Variants in FBN2 observed in about 807,000 individuals in gnomAD.
FBN2 encodes the protein fibrillin-2.
FBN2 carries 105 observed loss-of-function variants against 355.6 expected under a neutral mutation model. The observed-to-expected ratio is 0.30, with a 90% CI of 0.25 to 0.35. The LOEUF (loss-of-function observed/expected upper bound fraction) is 0.35. Ranked by LOEUF, FBN2 falls within the 10% of genes least tolerant of loss-of-function variation. The probability of loss-of-function intolerance (pLI) is 1.00; values close to 1 mark genes in which losing one functional copy is unlikely to be tolerated. For missense variants in FBN2, 3,280 were observed against 3,758.7 expected, an observed-to-expected ratio of 0.87 and a Z score of 3.33; for synonymous variants, 1,350 against 1,301.2, an observed-to-expected ratio of 1.04 and a Z score of -0.81.
chr5:128,380,712 G>C (rs2126962418), intron 11 of FBN2, among the ~76,000 whole-genome samples: 1 of 152,012 alleles, frequency 6.6e-6, no homozygotes, highest in East Asian at 1.9e-4. Flanking sequence ...TGTTTTCTGG[G>C]ATTTTCAGTT....
intron 58 of FBN2, 56 bp from the exon 59 acceptor site, chr5:128,276,216 T>C: frequency 1.3e-6 from 2 of 1,565,114 alleles, no homozygotes; most frequent in African/African-American, 1.3e-5. Context: ...AACCAGACTC[T>C]TTCCTCCTTC....
intron 7 of FBN2, among the ~76,000 whole-genome samples, chr5:128,411,370 T>C (rs138027199): frequency 2.6e-5 from 4 of 152,280 alleles, no homozygotes; most frequent in Non-Finnish European, 5.9e-5. Context: ...CGTGAATGAA[T>C]TGAAGGATGG....
intron 64 of FBN2, among the ~76,000 whole-genome samples, chr5:128,260,310 T>C (rs1475948171): frequency 6.6e-6 from 1 of 152,130 alleles, no homozygotes; most frequent in Non-Finnish European, 1.5e-5. Flanking sequence ...AAGTGAATGA[T>C]GAGTGAGTTT....
At chr5:128,522,165 T>C (rs146718888) in intron 4 of FBN2, among the ~76,000 whole-genome samples, 24 of 152,318 alleles carry the variant, frequency 1.6e-4, no homozygotes, top group African/African-American at 5.8e-4. Context: ...GGGCCACTGA[T>C]ACAACCATTT....
In FBN2 at chr5:128,312,786, A is replaced by G. The variant is rs1581208599; in HGVS notation, c.4727T>C (p.Val1576Ala). The G allele has an allele frequency of 1.2e-6, 2 of 1,613,724 alleles. No individual in the cohort carries two copies. The highest frequency in any genetic ancestry group is 1.7e-6 in the Non-Finnish European group (2 of 1,180,004). Residue 1576 changes from valine (V) to alanine (A), a missense_variant, in exon 37 of 65, where the codon GTG becomes GCG. Val to Ala is a moderately conservative substitution (Grantham distance 64). Around this residue, in one of 6 missense-constraint regions of FBN2, gnomAD observed 2,284 missense variants for 2,749.5 expected, o/e 0.83. Coordinates refer to ENST00000262464, the MANE Select transcript of FBN2 (RefSeq NM_001999.4). Reference sequence around the variant, plus strand: ...TCCAAACTTCAGGTAGCAGTTGCCCACACGGTTGTCTGCAGAGCAACAAAG... The same window carrying G: ...TCCAAACTTCAGGTAGCAGTTGCCCGCACGGTTGTCTGCAGAGCAACAAAG... ...PTGVGCVDNRVGNCYLKFGPR... is the reference protein window; with the variant it reads ...PTGVGCVDNRAGNCYLKFGPR...
At chr5:128,311,022 A>G (rs1750040920) in intron 39 of FBN2, among the ~76,000 whole-genome samples, 1 of 152,140 alleles carries the variant, frequency 6.6e-6, no homozygotes, top group Non-Finnish European at 1.5e-5. Context: ...ATTTTCACTA[A>G]TAACTTACTT....
intron 5 of FBN2, among the ~76,000 whole-genome samples, chr5:128,484,594 CAAT>C (rs1192018607): frequency 1.3e-5 from 2 of 152,138 alleles, no homozygotes; most frequent in Non-Finnish European, 2.9e-5. Context: ...ATTAAAACAA[CAAT>C]GAGGTTTCAT....
At position 128,375,125 on chromosome 5, in the gene FBN2, AT is replaced by A. The variant is rs1752048672; in HGVS notation, c.1973-376del. Among the ~76,000 whole-genome samples, 3 of 152,318 alleles carry A rather than the reference AT, an allele frequency of 2.0e-5. 1 individual carries two copies. In the South Asian group the frequency reaches 6.2e-4, roughly 32 times the overall value. On this transcript the variant is annotated intron_variant, in intron 14 of 64. Transcript: ENST00000262464. ...AGAAGTAGATGCTATGCTGATATTC[AT>A]TTGGTCATTTGATAATAACAAAATA...
At chr5:128,402,952 G>A (rs1384615616) in intron 8 of FBN2, among the ~76,000 whole-genome samples, 2 of 152,218 alleles carry the variant, frequency 1.3e-5, no homozygotes, top group Admixed American at 6.5e-5. Context: ...AATAGTGAAT[G>A]ACGGGCTTCT....
chr5:128,464,951 G>A, intron 5 of FBN2, 30 bp from the exon 6 acceptor site: 1 of 1,603,606 alleles, frequency 6.2e-7, no homozygotes, highest in Non-Finnish European at 8.5e-7. Flanking sequence ...AGAAAGACAG[G>A]TTTTATGATC....
At chr5:128,493,388 A>C (rs1755561970) in intron 5 of FBN2, among the ~76,000 whole-genome samples, 1 of 152,116 alleles carries the variant, frequency 6.6e-6, no homozygotes, top group Admixed American at 6.5e-5. Flanking sequence ...TATGAGAGAG[A>C]AAAGATAATA....
At chr5:128,377,465 G>A (rs754132352) in intron 13 of FBN2, among the ~76,000 whole-genome samples, 4 of 150,990 alleles carry the variant, frequency 2.6e-5, no homozygotes, top group Non-Finnish European at 5.9e-5. Flanking sequence ...GAATAACTGC[G>A]ACTTACAATT....
At chr5:128,482,410 A>G (rs1161077082) in intron 5 of FBN2, among the ~76,000 whole-genome samples, 1 of 151,842 alleles carries the variant, frequency 6.6e-6, no homozygotes, top group African/African-American at 2.4e-5. Context: ...GTTTCTCCAG[A>G]CTGCCTGAAG....
In FBN2 at chr5:128,300,813, T is replaced by C. The variant is rs1749693471; in HGVS notation, c.6166+4A>G. The C allele has an allele frequency of 6.2e-7, 1 of 1,613,776 alleles. No individual in the cohort carries two copies. Among genetic ancestry groups the C allele is most frequent in the South Asian group, 1.1e-5 (1 of 91,084 alleles). Reference sequence around the variant, plus strand: ...GTGGGCCTCAGAATAAATGTTACTCTTACCAATGCAGTTCTCGCTTTTTAC... The same window carrying C: ...GTGGGCCTCAGAATAAATGTTACTCCTACCAATGCAGTTCTCGCTTTTTAC... On this transcript the variant is annotated splice_donor_region_variant and intron_variant, in intron 48 of 64. Coordinates refer to ENST00000262464, the MANE Select transcript of FBN2 (RefSeq NM_001999.4).
At chr5:128,469,960 G>A (rs927483238) in intron 5 of FBN2, among the ~76,000 whole-genome samples, 1 of 152,218 alleles carries the variant, frequency 6.6e-6, no homozygotes, top group African/African-American at 2.4e-5. Flanking sequence ...GATTGAAGAT[G>A]CACACTAATG....
At chr5:128,477,718 G>A (rs562768419) in intron 5 of FBN2, among the ~76,000 whole-genome samples, 3 of 152,122 alleles carry the variant, frequency 2.0e-5, no homozygotes, top group Non-Finnish European at 4.4e-5. Context: ...CAGACCCCGA[G>A]TCTGAAGTAC....
rs1331336191 is a variant in FBN2, at chr5:128,408,523, A to G, written c.1078+151T>C. ...AGTCTTTGCAAAGAGTACCTGGTCT[A>G]TCAATCCCTCAATACTGGTACCGTT... On this transcript the variant is annotated intron_variant, in intron 8 of 64. Coordinates refer to ENST00000262464, the MANE Select transcript of FBN2 (RefSeq NM_001999.4). The G allele has an allele frequency of 5.5e-6, 5 of 915,560 alleles. No individual in the cohort carries two copies. In the South Asian group the frequency reaches 5.7e-5, roughly 10 times the overall value. The allele number at this position is 915,560 out of a possible 1,614,324, so 56.7% of individuals were successfully genotyped here.
chr5:128,262,193 G>A (rs755925433), intron 63 of FBN2, among the ~76,000 whole-genome samples: 10 of 152,022 alleles, frequency 6.6e-5, no homozygotes, highest in African/African-American at 2.2e-4. Context: ...AGGGACAACC[G>A]GCACACACCA....
chr5:128,278,951 CAGCTTAA>C, intron 56 of FBN2, 110 bp from the exon 57 acceptor site: 4 of 841,964 alleles, frequency 4.8e-6, no homozygotes, highest in Non-Finnish European at 7.8e-6. Flanking sequence ...ATAATTAAGA[CAGCTTAA>C]TGTCTTAATT....
Sources: allele counts gnomAD v4.1 joint callset (sites outside exome capture counted in the v4.1 genomes callset), GRCh38; gene constraint gnomAD v4.1.1; regional missense constraint gnomAD v4.1.1; transcripts MANE v1.5; gene names NCBI Gene and HGNC (gene_info 2026-07-23, HGNC 2026-07-21).